Variants in SUN1 observed in about 807,000 individuals in gnomAD.
The protein encoded by SUN1 is SUN domain-containing protein 1.
Under a neutral mutation model 103.2 loss-of-function variants are expected in SUN1, and 61 were observed. The observed-to-expected ratio is 0.59, with a 90% CI of 0.48 to 0.73. The LOEUF is 0.73. Ranked by LOEUF, SUN1 falls within the 30% of genes least tolerant of loss-of-function variation. The pLI is 0.00. For missense variants in SUN1, 1,052 were observed against 1,034.6 expected, an observed-to-expected ratio of 1.02 and a Z score of -0.23; for synonymous variants, 490 against 425.7, an observed-to-expected ratio of 1.15 and a Z score of -1.86.
chr7:841,928 GT>G lies in SUN1; in HGVS notation c.267-9del, dbSNP rs535135658. 20 of 1,572,122 alleles carry G rather than the reference GT, an allele frequency of 1.3e-5. No individual in the cohort carries two copies. Among genetic ancestry groups the G allele is most frequent in the Middle Eastern group, 1.7e-4 (1 of 5,972 alleles). ...GCTAGAAAAGATCTATAAACTTGCT[GT>G]TTTTTTTTCTTCTTAGAACAACAAA... On this transcript the variant is annotated splice_polypyrimidine_tract_variant and intron_variant, in intron 2 of 18. Transcript: ENST00000401592.
rs775564962 is a variant in SUN1 at position 860,389 on chromosome 7, C to A, written c.1779+7C>A. 1 of 1,609,938 alleles carries A rather than the reference C, an allele frequency of 6.2e-7. No individual in the cohort carries two copies. The highest frequency in any genetic ancestry group is 8.5e-7 in the Non-Finnish European group (1 of 1,177,168). ...GTCTGGAATAACAGAGGCGGTGAGT[C>A]GGCGAGTCGGCGGCAAGAGATGCTT... On this transcript the variant is annotated splice_region_variant and intron_variant, in intron 14 of 18. Transcript: ENST00000401592.
chr7:827,884 G>A (rs1294473335), upstream of SUN1, among the ~76,000 whole-genome samples: 6 of 152,080 alleles, frequency 3.9e-5, no homozygotes, highest in Admixed American at 3.3e-4. Flanking sequence ...GAGAAACCTA[G>A]TATAACTTAC....
chr7:820,223 C>T (rs1784705184), intron 1 of SUN1, among the ~76,000 whole-genome samples: 1 of 152,170 alleles, frequency 6.6e-6, no homozygotes, highest in Admixed American at 6.6e-5. Flanking sequence ...AATGTCTTCC[C>T]ATTTATGTAG....
At chr7:865,903 C>T (rs1422128369) in intron 15 of SUN1, 49 bp from the exon 16 acceptor site, 1 of 1,531,026 alleles carries the variant, frequency 6.5e-7, no homozygotes, top group Non-Finnish European at 9.1e-7. Context: ...ACTATTGCTT[C>T]CAAAATGGTG....
intron 16 of SUN1, 47 bp downstream of exon 16, chr7:866,114 C>A: frequency 6.5e-7 from 1 of 1,540,260 alleles, no homozygotes; most frequent in South Asian, 1.1e-5. Flanking sequence ...AGCATGGACT[C>A]GGTTAGTGTT....
In SUN1 at chr7:841,929, T is replaced by G. The variant is rs527315917; in HGVS notation, c.267-17T>G. On this transcript the variant is annotated splice_polypyrimidine_tract_variant and intron_variant, in intron 2 of 18. Coordinates refer to ENST00000401592, the MANE Select transcript of SUN1 (RefSeq NM_001130965.3). ...CTAGAAAAGATCTATAAACTTGCTG[T>G]TTTTTTTTCTTCTTAGAACAACAAA... 419 of 1,604,644 alleles carry G rather than the reference T, an allele frequency of 2.6e-4. No homozygotes were observed. Among genetic ancestry groups the G allele is most frequent in the Middle Eastern group, 5.0e-4 (3 of 6,042 alleles).
chr7:851,179 G>T, intron 5 of SUN1: 1 of 413,056 alleles, frequency 2.4e-6, no homozygotes, highest in South Asian at 4.4e-5. Flanking sequence ...TTAAAAAATA[G>T]AACTGAGCTT....
At chr7:871,119 G>A (rs939186258) in intron 17 of SUN1, among the ~76,000 whole-genome samples, 3 of 151,842 alleles carry the variant, frequency 2.0e-5, no homozygotes, top group South Asian at 2.1e-4. Context: ...TCGAACTCCC[G>A]ACCTCAGCCC....
intron 15 of SUN1, among the ~76,000 whole-genome samples, chr7:865,404 C>T (rs1232013398): frequency 6.6e-6 from 1 of 152,240 alleles, no homozygotes; most frequent in Non-Finnish European, 1.5e-5. Flanking sequence ...AGCCACTGCA[C>T]CTGGCCTGCT....
rs1010493854 is a variant in SUN1 at position 874,833 on chromosome 7, C to T, written c.*1502C>T. 4 of 152,314 alleles carry T rather than the reference C, an allele frequency of 2.6e-5. No individual in the cohort carries two copies. In the East Asian group the frequency reaches 5.8e-4, roughly 22 times the overall value. 9.4% of individuals were successfully genotyped at this position (152,314 alleles called of 1,614,324 possible). Reference sequence around the variant, plus strand: ...AAAATATCTGTCTTTGGTAGTGCTTCTGCTGCTGCCACCAAATTGATAAGA... The same window carrying T: ...AAAATATCTGTCTTTGGTAGTGCTTTTGCTGCTGCCACCAAATTGATAAGA... On this transcript the variant is annotated 3_prime_UTR_variant, in exon 19 of 19. Transcript: ENST00000401592.
chr7:823,731 A>G (rs1450200249), intron 1 of SUN1, among the ~76,000 whole-genome samples: 1 of 152,146 alleles, frequency 6.6e-6, no homozygotes, highest in African/African-American at 2.4e-5. Flanking sequence ...GACTGGAGCC[A>G]GGGAGACGGT....
chr7:859,625 C>T (rs1381697792), intron 13 of SUN1, among the ~76,000 whole-genome samples: 3 of 152,198 alleles, frequency 2.0e-5, no homozygotes, highest in Non-Finnish European at 4.4e-5. Context: ...GCTTTGCCCT[C>T]TCCTTCACGG....
intron 12 of SUN1, among the ~76,000 whole-genome samples, chr7:856,805 C>T (rs986842371): frequency 1.3e-5 from 2 of 152,158 alleles, no homozygotes; most frequent in Non-Finnish European, 2.9e-5. Context: ...TCTAGGTGGG[C>T]GGGGTTACAG....
rs996033618 is a variant in SUN1 at position 852,999 on chromosome 7, C to G, written c.1053+47C>G. ...TCAGCTGGCACTGCACATGTGAGGTCTTCAGGGACGTTCCACACTGCTGTG... is the reference window on the plus strand; with the variant it reads ...TCAGCTGGCACTGCACATGTGAGGTGTTCAGGGACGTTCCACACTGCTGTG... On this transcript the variant is annotated intron_variant, in intron 9 of 18. Transcript: ENST00000401592. 8.3e-6 allele frequency: 13 copies of G among 1,569,402 alleles called. No individual in the cohort carries two copies. The African/African-American group carries it at 1.6e-4, about 20-fold the overall frequency.
chr7:867,213 CTT>C (rs1042611742), intron 16 of SUN1, among the ~76,000 whole-genome samples: 5 of 152,252 alleles, frequency 3.3e-5, no homozygotes, highest in African/African-American at 9.6e-5. Context: ...CTCACCAGCA[CTT>C]TGCTCCTGAG....
At position 860,251 on chromosome 7, in the gene SUN1, A is replaced by T; in HGVS notation, c.1648A>T (p.Met550Leu). Reference sequence around the variant, plus strand: ...TGTGAGCAAAGGCGACTTGCAGACGATGCTGCGAGACCTGCAGCTGCAGAT... The same window carrying T: ...TGTGAGCAAAGGCGACTTGCAGACGTTGCTGCGAGACCTGCAGCTGCAGAT... ...QFVSKGDLQTMLRDLQLQILR... is the reference protein window; with the variant it reads ...QFVSKGDLQTLLRDLQLQILR... Residue 550 changes from methionine to leucine, a missense_variant, in exon 14 of 19, where the codon ATG (methionine) becomes TTG (leucine). Physicochemically the swap from Met to Leu is conservative, Grantham distance 15. Transcript: ENST00000401592. The T allele has an allele frequency of 6.2e-7, 1 of 1,614,250 alleles. No homozygotes were observed. Among genetic ancestry groups the T allele is most frequent in the Non-Finnish European group, 8.5e-7 (1 of 1,180,050 alleles).
intron 17 of SUN1, among the ~76,000 whole-genome samples, chr7:869,927 G>C (rs554777819): frequency 6.6e-6 from 1 of 152,032 alleles, no homozygotes; most frequent in Non-Finnish European, 1.5e-5. Context: ...AAAAAATACA[G>C]TTGAGCCTGG....
intron 6 of SUN1, 168 bp from the exon 7 acceptor site, chr7:851,782 G>A: frequency 1.5e-6 from 1 of 662,832 alleles, no homozygotes; most frequent in Non-Finnish European, 2.6e-6. Context: ...TCATCAGCAT[G>A]ATACGTTACT....
chr7:869,624 C>A (rs1253850898), intron 17 of SUN1, 108 bp downstream of exon 17: 7 of 1,320,636 alleles, frequency 5.3e-6, no homozygotes, highest in Non-Finnish European at 7.2e-6. Flanking sequence ...CGCTGCCCCT[C>A]CGCCCTCTCT....
Sources: gnomAD v4.1 joint callset for allele counts (sites outside exome capture counted in the v4.1 genomes callset) on GRCh38, gnomAD v4.1.1 for gene constraint, MANE v1.5 for transcripts, NCBI Gene and HGNC (gene_info 2026-07-23, HGNC 2026-07-21) for gene names.